Variants in CCDC14 observed in about 807,000 individuals in gnomAD.
CCDC14 encodes coiled-coil domain-containing protein 14.
A neutral mutation model predicts 81.4 loss-of-function variants in CCDC14; 71 were observed. The ratio of observed to expected loss-of-function variants is 0.87; its 90% CI spans 0.72 to 1.06. CCDC14 has a LOEUF of 1.06. CCDC14 is among the 50% of genes least tolerant of loss of function. CCDC14 has a pLI of 0.00. For missense variants in CCDC14, 1,046 were observed against 1,047.3 expected (o/e 1.00, Z 0.02); for synonymous variants, 332 against 364.8 (o/e 0.91, Z 1.03).
At chr3:123,917,966 G>C (rs1324842367) in intron 12 of CCDC14, among the ~76,000 whole-genome samples, 1 of 152,070 alleles carries the variant, frequency 6.6e-6, no homozygotes, top group Admixed American at 6.6e-5. Context: ...AACTGGTTCA[G>C]GTAAATTATG....
Position 123,956,400 on chromosome 3 carries a change from A to G in CCDC14, c.114T>C (p.Phe38=). ...GGATGGAATAGCCAGAATCTGCATT[A>G]AAACGTGGTATTTTTCTTAAATAGG... ...KATYLRKIPR[F]NADSGYSIHS... is the part of the protein sequence containing the mutation. Residue 38 remains phenylalanine, a synonymous_variant, in exon 3 of 13, where the codon TTT becomes TTC. Coordinates refer to ENST00000409697, the MANE Select transcript of CCDC14 (RefSeq NM_001366335.1). The G allele has an allele frequency of 6.5e-7, 1 of 1,547,562 alleles. No homozygotes were observed. Among genetic ancestry groups the G allele is most frequent in the Non-Finnish European group, 8.7e-7 (1 of 1,144,938 alleles).
intron 5 of CCDC14, chr3:123,954,562 T>C (rs1291060436): frequency 6.6e-6 from 1 of 152,088 alleles, no homozygotes; most frequent in African/African-American, 2.4e-5. Flanking sequence ...TTTAAATCAA[T>C]ATATCCAAAA....
intron 1 of CCDC14, chr3:123,957,848 C>G (rs951449622): frequency 6.6e-6 from 1 of 151,962 alleles, no homozygotes; most frequent in Non-Finnish European, 1.5e-5. Flanking sequence ...CTGATTCCCC[C>G]CCTAGTTCCA....
At chr3:123,950,560 A>G (rs894373117) in intron 5 of CCDC14, among the ~76,000 whole-genome samples, 2 of 152,208 alleles carry the variant, frequency 1.3e-5, no homozygotes, top group African/African-American at 4.8e-5. Context: ...TCACATTTAT[A>G]GGAAGTCATC....
chr3:123,915,538 G>C lies in CCDC14; in HGVS notation c.1959C>G (p.Tyr653Ter). 6.2e-7 allele frequency: 1 copy of C among 1,614,008 alleles called. No homozygotes were observed. Among genetic ancestry groups the C allele is most frequent in the Non-Finnish European group, 8.5e-7 (1 of 1,179,892 alleles). The change falls in exon 13 of 13, where the codon TAC becomes TAG. Residue 653 changes from tyrosine to a stop codon, truncating the protein, a stop_gained. Transcript: ENST00000409697. LOFTEE classifies it low-confidence loss of function (END_TRUNC). ...MSYLNKLETN[Y>*]SFTHSEPLST... ...AAAGTGGCTCTGAATGTGTAAAACT[G>C]TAATTTGTTTCTAACTTATTTAGAT...
intron 1 of CCDC14, among the ~76,000 whole-genome samples, chr3:123,959,058 G>C (rs940221418): frequency 1.3e-5 from 2 of 152,086 alleles, no homozygotes; most frequent in Admixed American, 6.6e-5. Context: ...ATAGAATTTG[G>C]GTTGTTCCCA....
rs753710531 is a variant in CCDC14, at chr3:123,914,989, T to G, written c.2508A>C (p.Ser836=). 2.5e-6 allele frequency: 4 copies of G among 1,614,014 alleles called. No homozygotes were observed. Among genetic ancestry groups the G allele is most frequent in the Non-Finnish European group, 2.5e-6 (3 of 1,179,878 alleles). ...CTTGAAGGCTGTTGCTAAGACAACCTGATGGGCCATGACATGCAGTTTGTT... is the reference window on the plus strand; with the variant it reads ...CTTGAAGGCTGTTGCTAAGACAACCGGATGGGCCATGACATGCAGTTTGTT... ...PEEQTACHGP[S]GCLSNSLQVK... The change falls in exon 13 of 13, where the codon TCA becomes TCC. Residue 836 remains serine (S), a synonymous_variant. Transcript: ENST00000409697.
chr3:123,960,945 T>C (rs1000364814), intron 1 of CCDC14, among the ~76,000 whole-genome samples, 199 bp downstream of exon 1: 1 of 152,156 alleles, frequency 6.6e-6, no homozygotes, highest in African/African-American at 2.4e-5. Flanking sequence ...GCTACGACGA[T>C]TTAAACAGAA....
chr3:123,928,173 T>C (rs145272854), intron 12 of CCDC14, among the ~76,000 whole-genome samples: 3 of 152,066 alleles, frequency 2.0e-5, no homozygotes, highest in Non-Finnish European at 2.9e-5. Context: ...TTGAATAGTA[T>C]TGTCAACATG....
At chr3:123,888,249 T>C in the CCDC14 span, among the ~76,000 whole-genome samples, 5 of 152,352 alleles carry the variant, frequency 3.3e-5, no homozygotes, top group Non-Finnish European at 7.3e-5. Flanking sequence ...TTATGATCTT[T>C]ATTCACTTTG....
chr3:123,961,094 CCT>C (rs1464243247), intron 1 of CCDC14, 48 bp downstream of exon 1: 16 of 1,478,534 alleles, frequency 1.1e-5, no homozygotes, highest in African/African-American at 8.5e-5. Flanking sequence ...CGAAAACCCC[CCT>C]GTCCCTCTCC....
intron 1 of CCDC14, chr3:123,957,076 C>G (rs936811798): frequency 4.6e-6 from 1 of 218,110 alleles, no homozygotes. Context: ...ATAATGTCTT[C>G]AAGCTTCATC....
intron 12 of CCDC14, among the ~76,000 whole-genome samples, chr3:123,917,966 G>A (rs1324842367): frequency 6.6e-6 from 1 of 152,070 alleles, no homozygotes; most frequent in African/African-American, 2.4e-5. Context: ...AACTGGTTCA[G>A]GTAAATTATG....
chr3:123,934,289 A>AAAAAAACCCTCATGAGGAAAGTGTT (rs2035934879), intron 9 of CCDC14, among the ~76,000 whole-genome samples: 1 of 146,400 alleles, frequency 6.8e-6, no homozygotes, highest in Non-Finnish European at 1.5e-5. Context: ...AAAAAAAAAA[A>AAAAAAACCCTCATGAGGAAAGTGTT]AAAAAACCCT....
At chr3:123,940,105 T>A (rs543016081) in intron 9 of CCDC14, among the ~76,000 whole-genome samples, 1 of 151,788 alleles carries the variant, frequency 6.6e-6, no homozygotes, top group East Asian at 1.9e-4. Context: ...CACTGAACTA[T>A]GAATTTAGTA....
At chr3:123,959,966 C>T (rs1482037597) in intron 1 of CCDC14, among the ~76,000 whole-genome samples, 2 of 151,786 alleles carry the variant, frequency 1.3e-5, no homozygotes, top group African/African-American at 2.4e-5. Context: ...AAAAACAAAC[C>T]TGGAATAAGC....
intron 3 of CCDC14, 70 bp from the exon 4 acceptor site, chr3:123,956,185 G>T: frequency 7.1e-7 from 1 of 1,398,876 alleles, no homozygotes; most frequent in Admixed American, 2.7e-5. Context: ...TATAAATTAT[G>T]TAGTTTTAAA....
In CCDC14 at chr3:123,961,152, G is replaced by A; in HGVS notation, c.22C>T (p.Pro8Ser). The A allele has an allele frequency of 1.9e-6, 3 of 1,551,508 alleles. No individual in the cohort carries two copies. Among genetic ancestry groups the A allele is most frequent in the South Asian group, 2.4e-5 (2 of 84,056 alleles). The change falls in exon 1 of 13, where the codon CCG (proline) becomes TCG (serine). Residue 8 changes from proline to serine, a missense_variant. Pro to Ser is a moderately conservative substitution (Grantham distance 74, BLOSUM62 -1). Coordinates refer to ENST00000409697, the MANE Select transcript of CCDC14 (RefSeq NM_001366335.1). ...AGGTCCTCAGCCCTCACCTGGCCCG[G>A]TCGAGCTCCAGACCTGACCATCTCT... MVRSGAR[P>S]GQVLSSGRHT...
At chr3:123,900,132 T>A (rs79258979) in intron 5 of CCDC14, among the ~76,000 whole-genome samples, 2,963 of 152,300 alleles carry the variant, frequency 0.019, 86 homozygotes, top group African/African-American at 0.067. Flanking sequence ...AATAAATACA[T>A]TTATTGCATT....
Sources: allele counts gnomAD v4.1 joint callset (sites outside exome capture counted in the v4.1 genomes callset), GRCh38; gene constraint gnomAD v4.1.1; transcripts MANE v1.5; gene names NCBI Gene and HGNC (gene_info 2026-07-23, HGNC 2026-07-21).